The following PLCH2 variants were observed in gnomAD, a reference collection of about 807,000 sequenced individuals.
PLCH2 encodes the protein 1-phosphatidylinositol 4,5-bisphosphate phosphodiesterase eta-2.
In PLCH2, 98 loss-of-function variants were observed where a neutral mutation model predicts 134.7. The observed-to-expected ratio is 0.73, with a 90% CI of 0.62 to 0.86. The LOEUF is 0.86. Ranked by LOEUF, PLCH2 falls within the 40% of genes least tolerant of loss-of-function variation. The pLI, the probability that PLCH2 is intolerant of heterozygous loss-of-function variation, is 0.00. For synonymous variants in PLCH2, 974 were observed against 827.5 expected (o/e 1.18, Z -3.04); for missense variants, 1,994 against 1,986.6 (o/e 1.00, Z -0.07).
intron 13 of PLCH2, 87 bp from the exon 14 acceptor site, chr1:2,496,520 T>C: frequency 9.1e-7 from 1 of 1,092,952 alleles, no homozygotes; most frequent in Non-Finnish European, 1.4e-6. Context: ...TTAATGAGGC[T>C]GCCCGAGCCC....
rs573938420 is a variant in PLCH2 at position 2,489,061 on chromosome 1, C to A, written c.1236-146C>A. 5 of 702,194 alleles carry A rather than the reference C, an allele frequency of 7.1e-6. No individual in the cohort carries two copies. In the African/African-American group the frequency reaches 8.9e-5, roughly 12 times the overall value. The allele number at this position is 702,194 out of a possible 1,614,324, so 43.5% of individuals were successfully genotyped here. A position where few individuals can be genotyped will look rare whatever the true frequency, so the allele number is the denominator to read the frequency against. On this transcript the variant is annotated intron_variant, in intron 8 of 21. Coordinates refer to ENST00000378486, the MANE Select transcript of PLCH2 (RefSeq NM_014638.4). ...TTGACGGGTGGGCCACCTCCCAGAG[C>A]TGCTGGTAATCCCAGCTATCCTGGG...
chr1:2,479,339 G>T (rs1376459390), intron 2 of PLCH2: 7 of 181,108 alleles, frequency 3.9e-5, no homozygotes, highest in Non-Finnish European at 8.2e-5. Context: ...GGAGCTGGGG[G>T]TCCCTGGAGC....
At chr1:2,494,571 T>C (rs937527553) in intron 11 of PLCH2, 41 of 547,970 alleles carry the variant, frequency 7.5e-5, no homozygotes, top group Non-Finnish European at 5.9e-5. Flanking sequence ...AAACAACACA[T>C]GAGAGACGCT....
In PLCH2 at chr1:2,504,985, C is replaced by A; in HGVS notation, c.4023C>A (p.Arg1341=). The A allele has an allele frequency of 6.5e-7, 1 of 1,547,704 alleles. No individual in the cohort carries two copies. The highest frequency in any genetic ancestry group is 8.7e-7 in the Non-Finnish European group (1 of 1,150,630). Residue 1341 remains arginine (R), a synonymous_variant, in exon 22 of 22, where the codon CGC becomes CGA. Coordinates refer to ENST00000378486, the MANE Select transcript of PLCH2 (RefSeq NM_014638.4). ...GTTTTGTGCGGCGCTCCTCCTCCCG[C>A]AGCCACAGCCGCGTGCGTGCCATTG... The part of the protein sequence containing the change: ...GPGFVRRSSS[R]SHSRVRAIAS...
At chr1:2,469,860 C>T (rs1371102342) in intron 1 of PLCH2, among the ~76,000 whole-genome samples, 2 of 152,218 alleles carry the variant, frequency 1.3e-5, no homozygotes, top group African/African-American at 2.4e-5. Context: ...TGAGAAGTCA[C>T]TCACCGTGGT....
At chr1:2,478,799 C>T (rs1158490766) in intron 2 of PLCH2, among the ~76,000 whole-genome samples, 177 bp downstream of exon 2, 2 of 152,126 alleles carry the variant, frequency 1.3e-5, no homozygotes, top group Non-Finnish European at 2.9e-5. Context: ...TAGGAGGGAT[C>T]CAGGCCCCCT....
chr1:2,467,224 C>T (rs562894104), upstream of PLCH2, among the ~76,000 whole-genome samples: 37 of 152,202 alleles, frequency 2.4e-4, 1 homozygote, highest in Admixed American at 1.6e-3. Flanking sequence ...GGTGGGTGGT[C>T]GCTCAAGCTG....
At chr1:2,452,089 G>A (rs973144963) in intron 2 of PLCH2, among the ~76,000 whole-genome samples, 3 of 152,042 alleles carry the variant, frequency 2.0e-5, no homozygotes, top group South Asian at 4.1e-4. Flanking sequence ...CCTCTGGCCC[G>A]AGGCTCCCTT....
the PLCH2 span, among the ~76,000 whole-genome samples, chr1:2,417,664 G>A: frequency 1.2e-4 from 18 of 152,318 alleles, no homozygotes; most frequent in African/African-American, 2.6e-4. Flanking sequence ...GTGGCCAGCC[G>A]GTGAGGGGCT....
Position 2,494,881 on chromosome 1 carries a change from C to A in PLCH2, c.1685C>A (p.Ser562Tyr). Reference protein sequence around the residue: ...RKSKAEEDVESGEDAGASRRN... With the variant: ...RKSKAEEDVEYGEDAGASRRN... Reference sequence around the variant, plus strand: ...AGCAAGGCTGAAGAGGACGTGGAGTCTGGGGAGGATGCCGGGGCCAGCAGA... The same window carrying A: ...AGCAAGGCTGAAGAGGACGTGGAGTATGGGGAGGATGCCGGGGCCAGCAGA... The change falls in exon 12 of 22, where the codon TCT becomes TAT. Residue 562 changes from serine to tyrosine, a missense_variant. Ser to Tyr is a moderately radical substitution (Grantham distance 144). Coordinates refer to ENST00000378486, the MANE Select transcript of PLCH2 (RefSeq NM_014638.4). The A allele has an allele frequency of 6.2e-7, 1 of 1,607,052 alleles. No homozygotes were observed. Among genetic ancestry groups the A allele is most frequent in the Non-Finnish European group, 8.5e-7 (1 of 1,177,500 alleles).
intron 11 of PLCH2, chr1:2,493,235 G>A (rs1015858067): frequency 6.6e-6 from 1 of 152,386 alleles, no homozygotes; most frequent in African/African-American, 2.4e-5. Flanking sequence ...TCCTGGGTCA[G>A]CGCGTGCCTC....
intron 2 of PLCH2, among the ~76,000 whole-genome samples, chr1:2,455,089 T>C (rs566370729): frequency 3.1e-4 from 47 of 152,230 alleles, no homozygotes; most frequent in African/African-American, 1.1e-3. Context: ...CAGACCCCCA[T>C]GATGCTGAGC....
chr1:2,434,054 C>T (rs190000309), intron 2 of PLCH2, among the ~76,000 whole-genome samples: 6 of 152,360 alleles, frequency 3.9e-5, no homozygotes, highest in African/African-American at 9.6e-5. Context: ...ACAGGCATCG[C>T]GCGTCCGGCT....
At chr1:2,473,718 T>C (rs1236392364), upstream of PLCH2, among the ~76,000 whole-genome samples, 4 of 152,152 alleles carry the variant, frequency 2.6e-5, no homozygotes, top group African/African-American at 9.7e-5. Context: ...CCCAGGGATG[T>C]CCCGGGGTCA....
chr1:2,431,346 T>C (rs1639061995), intron 2 of PLCH2, among the ~76,000 whole-genome samples: 1 of 152,032 alleles, frequency 6.6e-6, no homozygotes, highest in Non-Finnish European at 1.5e-5. Flanking sequence ...TGTGTGTGTG[T>C]GCTCATGCTC....
chr1:2,498,979 C>T lies in PLCH2; in HGVS notation c.2435-105C>T. On this transcript the variant is annotated intron_variant, in intron 18 of 21. Transcript: ENST00000378486. This position sits in a 1 kb window ranked among gnomAD's most constrained non-coding sequence, Gnocchi z 5.4. ...TCTAGGTGGGCAGTCCCGGAAGCAG[C>T]ACCGGGAGTGGCACTGGGAGTGGTG... 7.0e-7 allele frequency: 1 copy of T among 1,429,918 alleles called. No individual in the cohort carries two copies. Among genetic ancestry groups the T allele is most frequent in the Non-Finnish European group, 9.6e-7 (1 of 1,045,732 alleles). 88.6% of individuals were successfully genotyped at this position (1,429,918 alleles called of 1,614,324 possible).
chr1:2,434,519 C>T (rs1022768488), intron 2 of PLCH2, among the ~76,000 whole-genome samples: 15 of 152,258 alleles, frequency 9.9e-5, no homozygotes, highest in African/African-American at 2.4e-4. Flanking sequence ...AAGCAGCTGC[C>T]GCCAGGTGCG....
Position 2,499,214 on chromosome 1 carries a change from C to T in PLCH2, c.2565C>T (p.Phe855=), listed in dbSNP as rs1270612817. ...RDFIGQRTLA[F]SSMMPGYRHV... ...TCATTGGCCAGAGGACGCTGGCCTTCAGCAGCATGATGCCAGGTGGGCAGG... is the reference window on the plus strand; with the variant it reads ...TCATTGGCCAGAGGACGCTGGCCTTTAGCAGCATGATGCCAGGTGGGCAGG... The change falls in exon 19 of 22, where the codon TTC becomes TTT. Residue 855 remains phenylalanine (F), a synonymous_variant. Coordinates refer to ENST00000378486, the MANE Select transcript of PLCH2 (RefSeq NM_014638.4). The T allele has an allele frequency of 1.9e-6, 3 of 1,612,888 alleles. No homozygotes were observed. Among genetic ancestry groups the T allele is most frequent in the East Asian group, 2.2e-5 (1 of 44,896 alleles).
chr1:2,496,704 G>T lies in PLCH2; in HGVS notation c.1933G>T (p.Ala645Ser). The change falls in exon 14 of 22, where the codon GCG becomes TCG. Residue 645 changes from alanine to serine, a missense_variant and splice_region_variant. Physicochemically the swap from Ala to Ser is moderately conservative, Grantham distance 99. Transcript: ENST00000378486. Reference sequence around the variant, plus strand: ...GGCCACCCACGACATAGAGATGGAGGGTGAGTGGCTCGGGGACCTGGGGCC... The same window carrying T: ...GGCCACCCACGACATAGAGATGGAGTGTGAGTGGCTCGGGGACCTGGGGCC... ...SVATHDIEME[A>S]ASSWQVSSFS... is the part of the protein sequence containing the mutation. The T allele has an allele frequency of 6.2e-7, 1 of 1,611,618 alleles. No homozygotes were observed. Among genetic ancestry groups the T allele is most frequent in the Non-Finnish European group, 8.5e-7 (1 of 1,179,230 alleles).
Sources: gnomAD v4.1 joint callset for allele counts (sites outside exome capture counted in the v4.1 genomes callset) on GRCh38, gnomAD v4.1.1 for gene constraint, Gnocchi (gnomAD v3.1) non-coding constraint, MANE v1.5 for transcripts, NCBI Gene and HGNC (gene_info 2026-07-23, HGNC 2026-07-21) for gene names.